Variants in GAS2 observed in about 807,000 individuals in gnomAD.
The protein encoded by GAS2 is growth arrest specific 2.
A neutral mutation model predicts 37.5 loss-of-function variants in GAS2; 20 were observed. The observed-to-expected ratio is 0.53, with a 90% CI of 0.37 to 0.77. GAS2 has a LOEUF of 0.77. Among genes scored for constraint, GAS2 ranks in the 30% least tolerant of loss-of-function variants. The pLI is 0.00. For synonymous variants in GAS2, 144 were observed against 132.2 expected (o/e 1.09, Z -0.61); for missense variants, 336 against 373.4 (o/e 0.90, Z 0.82).
At chr11:22,806,246 G>A (rs988830248) in intron 7 of GAS2, among the ~76,000 whole-genome samples, 6 of 152,024 alleles carry the variant, frequency 3.9e-5, no homozygotes, top group Admixed American at 3.9e-4. Flanking sequence ...ATGTCCTCTG[G>A]GTTCATTCTC....
intron 3 of GAS2, among the ~76,000 whole-genome samples, chr11:22,719,298 A>C (rs1010523815): frequency 6.6e-6 from 1 of 152,094 alleles, no homozygotes; most frequent in Non-Finnish European, 1.5e-5. Context: ...TGTACCCTTG[A>C]CTAACATCTC....
intron 7 of GAS2, among the ~76,000 whole-genome samples, chr11:22,780,245 C>T (rs1249346615): frequency 6.6e-6 from 1 of 152,116 alleles, no homozygotes; most frequent in Non-Finnish European, 1.5e-5. Flanking sequence ...GCCTGTAATC[C>T]AAGCACTTTG....
At chr11:22,776,028 C>A (rs1855239365) in intron 7 of GAS2, among the ~76,000 whole-genome samples, 1 of 152,172 alleles carries the variant, frequency 6.6e-6, no homozygotes. Flanking sequence ...AGCATTGATT[C>A]CAGATGTACG....
chr11:22,782,568 T>C (rs1855602800), intron 7 of GAS2, among the ~76,000 whole-genome samples: 1 of 151,828 alleles, frequency 6.6e-6, no homozygotes, highest in Non-Finnish European at 1.5e-5. Flanking sequence ...CACATCCTTT[T>C]CCCCTCTAGT....
intron 3 of GAS2, among the ~76,000 whole-genome samples, chr11:22,714,490 A>G (rs962097273): frequency 1.7e-4 from 26 of 152,164 alleles, no homozygotes; most frequent in African/African-American, 6.3e-4. Context: ...TCAACAAAGA[A>G]ACAGTGGACT....
chr11:22,726,437 T>C lies in GAS2; in HGVS notation c.409+4T>C. 1 of 1,606,488 alleles carries C rather than the reference T, an allele frequency of 6.2e-7. No individual in the cohort carries two copies. The stretch of plus-strand genomic sequence containing the variant: ...CTATTTGAATCGGAAGGTTTGGGTA[T>C]GTATTAACTTCAGAATTTTAGTTGA... On this transcript the variant is annotated splice_donor_region_variant and intron_variant, in intron 4 of 7. Coordinates refer to ENST00000454584, the MANE Select transcript of GAS2 (RefSeq NM_001143830.3).
intron 4 of GAS2, among the ~76,000 whole-genome samples, chr11:22,733,366 T>C (rs1035606632): frequency 7.2e-5 from 11 of 151,738 alleles, no homozygotes; most frequent in Non-Finnish European, 1.0e-4. Context: ...CTAAAGTATA[T>C]TTTTTCAAGT....
At chr11:22,666,947 T>G (rs1358045940) in intron 1 of GAS2, 48 bp downstream of exon 1, 1 of 152,242 alleles carries the variant, frequency 6.6e-6, no homozygotes, top group Non-Finnish European at 1.5e-5. Flanking sequence ...CGCCGCAGCG[T>G]GCGCGCACCG....
At chr11:22,629,957 C>G (rs1227833800) in intron 1 of GAS2, among the ~76,000 whole-genome samples, 1 of 152,066 alleles carries the variant, frequency 6.6e-6, no homozygotes, top group South Asian at 2.1e-4. Context: ...AAATTTATGT[C>G]TTTAATACAT....
At chr11:22,710,519 GTA>G (rs71037522) in intron 3 of GAS2, among the ~76,000 whole-genome samples, 1 of 147,546 alleles carries the variant, frequency 6.8e-6, no homozygotes, top group African/African-American at 2.5e-5. Flanking sequence ...GTGTCTGTGT[GTA>G]TATATATATA....
At chr11:22,800,555 G>A (rs1194060789) in intron 7 of GAS2, among the ~76,000 whole-genome samples, 1 of 151,992 alleles carries the variant, frequency 6.6e-6, no homozygotes, top group African/African-American at 2.4e-5. Flanking sequence ...CTGCTGAAAA[G>A]CGTTCATGTC....
intron 1 of GAS2, among the ~76,000 whole-genome samples, chr11:22,653,174 G>T (rs181290922): frequency 1.4e-5 from 2 of 144,038 alleles, no homozygotes; most frequent in Non-Finnish European, 3.0e-5. Context: ...TTCCCCTTAC[G>T]TACACTCATT....
At chr11:22,759,030 C>A (rs552266968) in intron 7 of GAS2, among the ~76,000 whole-genome samples, 3 of 152,154 alleles carry the variant, frequency 2.0e-5, no homozygotes, top group South Asian at 2.1e-4. Context: ...CCATTGCTAA[C>A]CACCTTACAA....
chr11:22,703,039 A>G (rs1850926890), intron 3 of GAS2, among the ~76,000 whole-genome samples: 1 of 152,218 alleles, frequency 6.6e-6, no homozygotes, highest in Non-Finnish European at 1.5e-5. Flanking sequence ...TAAATATGTT[A>G]AATTGAAACT....
At chr11:22,666,044 G>A (rs1471590872), upstream of GAS2, among the ~76,000 whole-genome samples, 3 of 152,252 alleles carry the variant, frequency 2.0e-5, no homozygotes, top group South Asian at 4.1e-4. Flanking sequence ...AGCGGTCCCC[G>A]CGCATTAGAG....
chr11:22,633,628 A>C (rs1858776664), intron 1 of GAS2, among the ~76,000 whole-genome samples: 1 of 152,236 alleles, frequency 6.6e-6, no homozygotes, highest in South Asian at 2.1e-4. Flanking sequence ...AGTGATGGGC[A>C]GAGGTCCTAA....
chr11:22,751,130 C>T (rs1360194586), intron 6 of GAS2, among the ~76,000 whole-genome samples: 6 of 151,958 alleles, frequency 3.9e-5, no homozygotes, highest in African/African-American at 1.2e-4. Context: ...AATCCAAGCT[C>T]ATTCATATGT....
intron 7 of GAS2, among the ~76,000 whole-genome samples, chr11:22,765,801 C>A (rs1256676679): frequency 6.6e-6 from 1 of 151,764 alleles, no homozygotes; most frequent in Non-Finnish European, 1.5e-5. Context: ...AAAGACAGAC[C>A]TGAGATTGAG....
chr11:22,644,213 C>A (rs1238543959), intron 1 of GAS2, among the ~76,000 whole-genome samples: 1 of 151,990 alleles, frequency 6.6e-6, no homozygotes, highest in Admixed American at 6.5e-5. Context: ...AAAATTACTT[C>A]CAGACGTAAT....
Sources: gnomAD v4.1 joint callset for allele counts (sites outside exome capture counted in the v4.1 genomes callset) on GRCh38, gnomAD v4.1.1 for gene constraint, MANE v1.5 for transcripts, NCBI Gene and HGNC (gene_info 2026-07-23, HGNC 2026-07-21) for gene names.